Variants in PKD2L1 observed in about 807,000 individuals in gnomAD.
PKD2L1 encodes the protein polycystin-2-like protein 1.
A neutral mutation model predicts 93.0 loss-of-function variants in PKD2L1; 77 were observed. The observed-to-expected ratio is 0.83, with a 90% CI of 0.69 to 1.00. PKD2L1 has a LOEUF of 1.00. PKD2L1 is among the 50% of genes least tolerant of loss of function. PKD2L1 has a pLI of 0.00. For missense variants in PKD2L1, 977 were observed against 990.9 expected (o/e 0.99, Z 0.19); for synonymous variants, 390 against 388.0 (o/e 1.01, Z -0.06).
chr10:100,309,881 G>C (rs1347156489), intron 2 of PKD2L1, among the ~76,000 whole-genome samples: 1 of 152,126 alleles, frequency 6.6e-6, no homozygotes, highest in East Asian at 1.9e-4. Flanking sequence ...GATCAGCCCT[G>C]AACCCTGCAA....
chr10:100,293,148 C>T lies in PKD2L1; in HGVS notation c.1759-79G>A, dbSNP rs1848444067. ...GGCCCCCAGCCCCACCCATAGTATG[C>T]CAGGCTTCCAAGGATAAATTTAAAG... is the stretch of plus-strand genomic sequence containing the variant. On this transcript the variant is annotated intron_variant, in intron 10 of 15. Transcript: ENST00000318222. 3.7e-5 allele frequency: 58 copies of T among 1,586,888 alleles called. 3 individuals are homozygous for T. In the South Asian group the frequency reaches 6.5e-4, roughly 18 times the overall value.
At chr10:100,292,927 G>A in intron 11 of PKD2L1, 21 bp downstream of exon 11, 1 of 1,608,932 alleles carries the variant, frequency 6.2e-7, no homozygotes. Flanking sequence ...ATTAGAGAAG[G>A]CTGGGTCTCT....
At chr10:100,303,995 A>G (rs1337920108) in intron 2 of PKD2L1, among the ~76,000 whole-genome samples, 2 of 152,224 alleles carry the variant, frequency 1.3e-5, no homozygotes, top group African/African-American at 4.8e-5. Flanking sequence ...TCAACTATTT[A>G]TGGATGCATA....
chr10:100,326,820 C>A (rs1352013291), intron 2 of PKD2L1, among the ~76,000 whole-genome samples: 1 of 152,166 alleles, frequency 6.6e-6, no homozygotes, highest in African/African-American at 2.4e-5. Context: ...CAGTGTTTGA[C>A]CCAAACCTGT....
chr10:100,296,106 T>C lies in PKD2L1; in HGVS notation c.1356+16A>G. ...GTGCGCCTTGAAGCAAAGCTGGGTGTGGGAATCCCAGGTACCTTGATCCAG... is the reference window on the plus strand; with the variant it reads ...GTGCGCCTTGAAGCAAAGCTGGGTGCGGGAATCCCAGGTACCTTGATCCAG... On this transcript the variant is annotated intron_variant, in intron 7 of 15. Coordinates refer to ENST00000318222, the MANE Select transcript of PKD2L1 (RefSeq NM_016112.3). 6.3e-7 allele frequency: 1 copy of C among 1,596,286 alleles called. No homozygotes were observed. The highest frequency in any genetic ancestry group is 8.5e-7 in the Non-Finnish European group (1 of 1,172,310).
At chr10:100,326,829 G>T (rs1365308058) in intron 2 of PKD2L1, among the ~76,000 whole-genome samples, 1 of 152,188 alleles carries the variant, frequency 6.6e-6, no homozygotes, top group East Asian at 1.9e-4. Context: ...ACCCAAACCT[G>T]TGCAAATTTG....
At chr10:100,298,468 C>T (rs1399138535) in intron 4 of PKD2L1, 94 bp downstream of exon 4, 28 of 1,319,334 alleles carry the variant, frequency 2.1e-5, no homozygotes, top group Admixed American at 1.0e-4. Context: ...CTCTGAGGCT[C>T]TTTAAGCCTC....
At chr10:100,302,826 C>T (rs1848714542) in intron 2 of PKD2L1, among the ~76,000 whole-genome samples, 2 of 152,234 alleles carry the variant, frequency 1.3e-5, no homozygotes, top group Admixed American at 1.3e-4. Flanking sequence ...GCTATAAAGG[C>T]TGTCAGTGGT....
intron 2 of PKD2L1, among the ~76,000 whole-genome samples, chr10:100,306,228 G>A (rs906586603): frequency 2.0e-5 from 3 of 152,186 alleles, no homozygotes; most frequent in African/African-American, 7.2e-5. Flanking sequence ...AGTGATACTC[G>A]TGGTCATGGG....
At chr10:100,305,837 C>T (rs983054858) in intron 2 of PKD2L1, among the ~76,000 whole-genome samples, 21 of 152,062 alleles carry the variant, frequency 1.4e-4, no homozygotes, top group Admixed American at 2.6e-4. Context: ...CTTAACCCAC[C>T]GATGATAAGC....
intron 4 of PKD2L1, 129 bp from the exon 5 acceptor site, chr10:100,297,735 T>A: frequency 4.8e-6 from 2 of 420,770 alleles, no homozygotes; most frequent in South Asian, 2.7e-5. Flanking sequence ...TGTGTGTGTG[T>A]GTGTGTGTGT....
At position 100,329,262 on chromosome 10, in the gene PKD2L1, T is replaced by A. The variant is rs1311499464; in HGVS notation, c.298A>T (p.Thr100Ser). The A allele has an allele frequency of 6.2e-6, 10 of 1,613,746 alleles. No homozygotes were observed. The African/African-American group carries it at 1.2e-4, about 19-fold the overall frequency. ...AENRELYIKTTLRELLVYIVF... is the reference protein window; with the variant it reads ...AENRELYIKTSLRELLVYIVF... Reference sequence around the variant, plus strand: ...ATATATACCAACAGCTCCCTCAGGGTGGTCTTGATATAAAGTTCCCGGTTC... The same window carrying A: ...ATATATACCAACAGCTCCCTCAGGGAGGTCTTGATATAAAGTTCCCGGTTC... Residue 100 changes from threonine to serine, a missense_variant, in exon 2 of 16, where the codon ACC (threonine) becomes TCC (serine). Physicochemically the swap from Thr to Ser is moderately conservative, Grantham distance 58 (BLOSUM62 1). Coordinates refer to ENST00000318222, the MANE Select transcript of PKD2L1 (RefSeq NM_016112.3).
intron 2 of PKD2L1, among the ~76,000 whole-genome samples, chr10:100,323,604 C>T (rs1849312285): frequency 6.6e-6 from 1 of 152,034 alleles, no homozygotes; most frequent in Non-Finnish European, 1.5e-5. Flanking sequence ...TGTAATGTTT[C>T]TTCAGATGTA....
intron 2 of PKD2L1, among the ~76,000 whole-genome samples, chr10:100,324,066 A>G (rs1464124279): frequency 6.6e-6 from 1 of 152,094 alleles, no homozygotes; most frequent in Non-Finnish European, 1.5e-5. Flanking sequence ...GGCCTCAGGC[A>G]GTCTGTCCAG....
chr10:100,291,069 C>T (rs1250303656), intron 12 of PKD2L1, among the ~76,000 whole-genome samples: 1 of 152,186 alleles, frequency 6.6e-6, no homozygotes, highest in East Asian at 1.9e-4. Flanking sequence ...TGTCTAGGCC[C>T]CACACCCAGA....
intron 2 of PKD2L1, among the ~76,000 whole-genome samples, chr10:100,305,278 A>C (rs1426282818): frequency 1.3e-5 from 2 of 151,738 alleles, no homozygotes; most frequent in East Asian, 3.9e-4. Context: ...TACCTGGCTA[A>C]TTTTTTGTAT....
At chr10:100,321,517 ATTTAACATTAGCAGGG>A (rs1451415400) in intron 2 of PKD2L1, among the ~76,000 whole-genome samples, 2 of 148,242 alleles carry the variant, frequency 1.3e-5, no homozygotes, top group Non-Finnish European at 3.0e-5. Context: ...TCTACAAAAA[ATTTAACATTAGCAGGG>A]TGTGGTGGTG....
intron 2 of PKD2L1, among the ~76,000 whole-genome samples, chr10:100,308,210 A>AACC (rs1400440598): frequency 6.6e-6 from 1 of 152,156 alleles, no homozygotes; most frequent in African/African-American, 2.4e-5. Flanking sequence ...TAATAACAAC[A>AACC]ACCACCATTA....
At chr10:100,327,689 C>T (rs1213327638) in intron 2 of PKD2L1, among the ~76,000 whole-genome samples, 4 of 152,156 alleles carry the variant, frequency 2.6e-5, no homozygotes, top group Admixed American at 1.3e-4. Context: ...CAAAAATAAT[C>T]GATACGTCAA....
Sources: gnomAD v4.1 joint callset for allele counts (sites outside exome capture counted in the v4.1 genomes callset) on GRCh38, gnomAD v4.1.1 for gene constraint, MANE v1.5 for transcripts, NCBI Gene and HGNC (gene_info 2026-07-23, HGNC 2026-07-21) for gene names.